Variants in IL1RAPL2 observed in about 807,000 individuals in gnomAD.
IL1RAPL2 encodes the protein X-linked interleukin-1 receptor accessory protein-like 2.
IL1RAPL2 carries 3 observed loss-of-function variants against 44.1 expected under a neutral mutation model. The observed-to-expected ratio is 0.07, with a 90% CI of 0.03 to 0.18. The LOEUF is 0.18. Ranked by LOEUF, IL1RAPL2 falls within the 10% of genes least tolerant of loss-of-function variation. IL1RAPL2 has a pLI of 1.00. For synonymous variants in IL1RAPL2, 181 were observed against 178.8 expected (o/e 1.01, Z -0.10); for missense variants, 391 against 496.4 (o/e 0.79, Z 2.02).
At chrX:105,455,541 A>G (rs2036049186) in intron 5 of IL1RAPL2, among the ~76,000 whole-genome samples, 1 of 111,849 alleles carries the variant, frequency 8.9e-6, no homozygotes, top group South Asian at 3.7e-4. Flanking sequence ...CTGCATATGG[A>G]TAGCCCATTA....
chrX:104,655,120 C>G (rs1321432306), intron 1 of IL1RAPL2, among the ~76,000 whole-genome samples: 2 of 111,633 alleles, frequency 1.8e-5, no homozygotes, highest in Non-Finnish European at 3.8e-5. Flanking sequence ...CATCTGCAAA[C>G]AGGGACAATT....
intron 1 of IL1RAPL2, among the ~76,000 whole-genome samples, chrX:104,620,974 T>TATATAAATTCTATAATTTATATA: frequency 1.1e-5 from 1 of 87,243 alleles, no homozygotes; most frequent in African/African-American, 8.3e-5. Context: ...TATATAATAA[T>TATATAAATTCTATAATTTATATA]ATAATATAAT....
chrX:104,649,011 T>C (rs1304983672), intron 1 of IL1RAPL2, among the ~76,000 whole-genome samples: 2 of 111,495 alleles, frequency 1.8e-5, no homozygotes, highest in Non-Finnish European at 3.8e-5. Context: ...TCTTATCTAT[T>C]CCCCTTTTTT....
intron 2 of IL1RAPL2, among the ~76,000 whole-genome samples, chrX:104,950,807 A>T (rs1212049531): frequency 9.1e-6 from 1 of 109,776 alleles, no homozygotes; most frequent in Non-Finnish European, 1.9e-5. Flanking sequence ...CCTGGGGTTC[A>T]CGTCATTCTC....
chrX:105,225,628 G>T (rs782396034), intron 3 of IL1RAPL2, among the ~76,000 whole-genome samples: 40 of 109,243 alleles, frequency 3.7e-4, no homozygotes, highest in Non-Finnish European at 6.5e-4. Flanking sequence ...CTTTGCCCTG[G>T]ATTATCTTTT....
intron 2 of IL1RAPL2, among the ~76,000 whole-genome samples, chrX:104,696,087 C>T (rs1931177937): frequency 8.9e-6 from 1 of 111,946 alleles, no homozygotes; most frequent in East Asian, 2.8e-4. Flanking sequence ...GGATTACAGG[C>T]ATGAGCCACT....
chrX:105,707,845 G>C (rs1270804442), intron 6 of IL1RAPL2, among the ~76,000 whole-genome samples: 1 of 110,941 alleles, frequency 9.0e-6, no homozygotes, highest in Non-Finnish European at 1.9e-5. Context: ...ATGGGATTCA[G>C]AGAAAGCAGA....
chrX:104,944,911 G>A (rs1925302784), intron 2 of IL1RAPL2, among the ~76,000 whole-genome samples: 1 of 111,651 alleles, frequency 9.0e-6, no homozygotes, highest in Non-Finnish European at 1.9e-5. Flanking sequence ...TGGCTTTAGG[G>A]AAGTCAGTGT....
chrX:105,759,032 C>A (rs1347626406), intron 10 of IL1RAPL2, among the ~76,000 whole-genome samples: 1 of 111,835 alleles, frequency 8.9e-6, no homozygotes, highest in Non-Finnish European at 1.9e-5. Flanking sequence ...GACATGTGAC[C>A]AACAGAACCC....
chrX:105,650,840 G>A (rs2037637797), intron 6 of IL1RAPL2, among the ~76,000 whole-genome samples: 1 of 111,514 alleles, frequency 9.0e-6, no homozygotes, highest in African/African-American at 3.3e-5. Context: ...CTCCCTTTAT[G>A]TAACTATGCA....
chrX:104,917,695 T>A (rs185400730), intron 2 of IL1RAPL2, among the ~76,000 whole-genome samples: 80 of 112,179 alleles, frequency 7.1e-4, no homozygotes, highest in Admixed American at 5.6e-3. Context: ...AACCCTATTT[T>A]CCAGGTAAGA....
intron 2 of IL1RAPL2, among the ~76,000 whole-genome samples, chrX:105,116,191 C>T (rs949672802): frequency 3.5e-5 from 4 of 112,745 alleles, no homozygotes; most frequent in East Asian, 2.8e-4. Context: ...TCCTCAAGCG[C>T]GGCCAGAGTG....
At chrX:104,620,227 T>C (rs1483117541) in intron 1 of IL1RAPL2, among the ~76,000 whole-genome samples, 10 of 110,794 alleles carry the variant, frequency 9.0e-5, no homozygotes, top group Admixed American at 4.8e-4. Flanking sequence ...TTGGGCACAG[T>C]GTACACTGCT....
chrX:105,072,141 A>C lies in IL1RAPL2; in HGVS notation c.83-123334A>C, dbSNP rs142091944. On this transcript the variant is annotated intron_variant, in intron 2 of 10. Transcript: ENST00000372582. Reference sequence around the variant, plus strand: ...TAAGCTGTTCTCATAAAAATGAGGGAGTTCTCATGAGATCTGATGGTTTTA... The same window carrying C: ...TAAGCTGTTCTCATAAAAATGAGGGCGTTCTCATGAGATCTGATGGTTTTA... Among the ~76,000 whole-genome samples the C allele has an allele frequency of 7.5e-3, 834 of 110,817 alleles. 14 individuals carry two copies. The highest frequency in any genetic ancestry group is 0.026 in the African/African-American group (798 of 30,443).
Position 105,257,027 on chromosome X carries a change from G to A in IL1RAPL2, c.544-10361G>A, listed in dbSNP as rs145050057. 4.0e-3 allele frequency among the ~76,000 whole-genome samples: 443 copies of A among 111,646 alleles called. 5 individuals are homozygous for A. Among genetic ancestry groups the A allele is most frequent in the African/African-American group, 0.014 (423 of 30,740 alleles). ...CTTGCTTCTCACTTTCAGTTTTGAT[G>A]TTAGGTTGTTAATTTGAAATCTTTC... On this transcript the variant is annotated intron_variant, in intron 4 of 10. Coordinates refer to ENST00000372582, the MANE Select transcript of IL1RAPL2 (RefSeq NM_017416.2).
chrX:105,409,845 T>TAGATAGATAGATAGACAGAC (rs757454072), intron 5 of IL1RAPL2, among the ~76,000 whole-genome samples: 6 of 85,953 alleles, frequency 7.0e-5, no homozygotes, highest in East Asian at 3.8e-4. Flanking sequence ...GATAGATAGA[T>TAGATAGATAGATAGACAGAC]AGACAGACAG....
At chrX:105,360,967 A>G (rs1478135432) in intron 5 of IL1RAPL2, among the ~76,000 whole-genome samples, 1 of 111,537 alleles carries the variant, frequency 9.0e-6, no homozygotes, top group Non-Finnish European at 1.9e-5. Context: ...TATCTATAGC[A>G]GTTCCATATA....
At chrX:105,531,899 C>T (rs978187068) in intron 6 of IL1RAPL2, among the ~76,000 whole-genome samples, 2 of 111,699 alleles carry the variant, frequency 1.8e-5, no homozygotes, top group African/African-American at 6.5e-5. Flanking sequence ...GTTCTCTATT[C>T]TGTTCCATTG....
intron 6 of IL1RAPL2, among the ~76,000 whole-genome samples, chrX:105,633,171 C>T (rs771857342): frequency 2.6e-4 from 29 of 111,823 alleles, no homozygotes; most frequent in Admixed American, 1.4e-3. Context: ...CGTTGGTAAA[C>T]ATTTCTTTAC....
Sources: allele counts gnomAD v4.1 joint callset (sites outside exome capture counted in the v4.1 genomes callset), GRCh38; gene constraint gnomAD v4.1.1; transcripts MANE v1.5; gene names NCBI Gene and HGNC (gene_info 2026-07-23, HGNC 2026-07-21).